The following ADARB2 variants were observed in gnomAD, a reference collection of about 807,000 sequenced individuals.
ADARB2 encodes adenosine deaminase RNA specific B2 (inactive), also known as inactive double-stranded RNA-specific editase B2.
Under a neutral mutation model 62.2 loss-of-function variants are expected in ADARB2, and 25 were observed. That is an observed-to-expected ratio of 0.40 (90% confidence interval 0.29 to 0.56). ADARB2 has a LOEUF of 0.56. ADARB2 is among the 20% of genes least tolerant of loss of function. The pLI is 0.43. For synonymous variants in ADARB2, 572 were observed against 500.8 expected (o/e 1.14, Z -1.90); for missense variants, 1,071 against 1,077.4 (o/e 0.99, Z 0.08).
Position 1,737,266 on chromosome 10 carries a change from G to T in ADARB2, c.-116C>A. The T allele has an allele frequency of 9.4e-7, 1 of 1,062,396 alleles. No individual in the cohort carries two copies. Among genetic ancestry groups the T allele is most frequent in the Non-Finnish European group, 1.4e-6 (1 of 715,614 alleles). 65.8% of individuals were successfully genotyped at this position (1,062,396 alleles called of 1,614,324 possible). The stretch of plus-strand genomic sequence containing the variant: ...AGCTTGAGGTTGCAAACCCGGGAGC[G>T]GCTCACTTTTCAGGACTGAGCAGGA... On this transcript the variant is annotated 5_prime_UTR_variant, in exon 1 of 10. Transcript: ENST00000381312.
intron 1 of ADARB2, among the ~76,000 whole-genome samples, chr10:1,624,053 C>A (rs949943938): frequency 6.6e-6 from 1 of 151,868 alleles, no homozygotes; most frequent in Non-Finnish European, 1.5e-5. Flanking sequence ...GGCAACATGG[C>A]AAAACCCCAT....
At chr10:1,658,759 G>T (rs556837639) in intron 1 of ADARB2, among the ~76,000 whole-genome samples, 1 of 152,254 alleles carries the variant, frequency 6.6e-6, no homozygotes. Flanking sequence ...AGACTTTGAA[G>T]CAAGAGCCTC....
At chr10:1,712,049 A>G (rs1310648932) in intron 1 of ADARB2, among the ~76,000 whole-genome samples, 3 of 152,256 alleles carry the variant, frequency 2.0e-5, no homozygotes, top group Non-Finnish European at 1.5e-5. Flanking sequence ...TAGTTACTCA[A>G]AATACACCCA....
chr10:1,623,139 G>A (rs1401582169), intron 1 of ADARB2, among the ~76,000 whole-genome samples: 1 of 152,158 alleles, frequency 6.6e-6, no homozygotes, highest in African/African-American at 2.4e-5. Flanking sequence ...TAGAGATGGG[G>A]CATCCATTAG....
chr10:1,602,744 AACAC>A (rs765367241), intron 1 of ADARB2, among the ~76,000 whole-genome samples: 4 of 147,420 alleles, frequency 2.7e-5, no homozygotes, highest in African/African-American at 1.0e-4. Flanking sequence ...ACAGACACAC[AACAC>A]ACACACACCT....
At chr10:1,676,994 C>T (rs952159207) in intron 1 of ADARB2, among the ~76,000 whole-genome samples, 28 of 152,194 alleles carry the variant, frequency 1.8e-4, no homozygotes, top group African/African-American at 6.8e-4. Flanking sequence ...CCCCCCTGAC[C>T]TGCCTGTTCT....
chr10:1,300,924 T>G (rs983215362), intron 3 of ADARB2, among the ~76,000 whole-genome samples: 9 of 152,246 alleles, frequency 5.9e-5, no homozygotes, highest in Non-Finnish European at 2.9e-5. Flanking sequence ...AAGATGCTGC[T>G]GTGATTGTCA....
chr10:1,357,426 T>C (rs2067698496), intron 3 of ADARB2, among the ~76,000 whole-genome samples: 1 of 152,134 alleles, frequency 6.6e-6, no homozygotes, highest in Non-Finnish European at 1.5e-5. Flanking sequence ...CTCCTGTCCC[T>C]GGCACCACAA....
chr10:1,305,976 C>T (rs1464087823), intron 3 of ADARB2, among the ~76,000 whole-genome samples: 1 of 152,110 alleles, frequency 6.6e-6, no homozygotes, highest in Non-Finnish European at 1.5e-5. Flanking sequence ...GGAAGCATTC[C>T]CTTTGAAAAC....
At position 1,354,054 on chromosome 10, in the gene ADARB2, G is replaced by A. The variant is rs548590457; in HGVS notation, c.1077+8974C>T. 7.9e-5 allele frequency among the ~76,000 whole-genome samples: 12 copies of A among 152,114 alleles called. No individual in the cohort carries two copies. In the East Asian group the frequency reaches 1.5e-3, roughly 20 times the overall value. On this transcript the variant is annotated intron_variant, in intron 3 of 9. Coordinates refer to ENST00000381312, the MANE Select transcript of ADARB2 (RefSeq NM_018702.4). ...CCCCTTACCACAAAATCATCCTTCA[G>A]CTTAATCTCTCCCACTCTAGGTTTC...
At chr10:1,229,786 ATG>A (rs1447700383) in intron 6 of ADARB2, among the ~76,000 whole-genome samples, 32 of 32,110 alleles carry the variant, frequency 1.0e-3, no homozygotes, top group African/African-American at 3.1e-3. Context: ...TTCTGTGTAC[ATG>A]TGTTTATGTG....
chr10:1,643,750 CT>C (rs543838840), intron 1 of ADARB2, among the ~76,000 whole-genome samples: 1 of 151,966 alleles, frequency 6.6e-6, no homozygotes, highest in Non-Finnish European at 1.5e-5. Context: ...AAGTTTTTTT[CT>C]TTTTTTTCTG....
chr10:1,653,645 C>A (rs2119076840), intron 1 of ADARB2, among the ~76,000 whole-genome samples: 1 of 143,614 alleles, frequency 7.0e-6, no homozygotes, highest in Middle Eastern at 3.7e-3. Flanking sequence ...GTCCACCCAA[C>A]ACCTTCTGTG....
chr10:1,554,614 G>A (rs756503268), intron 1 of ADARB2, among the ~76,000 whole-genome samples: 10 of 152,026 alleles, frequency 6.6e-5, no homozygotes, highest in Non-Finnish European at 1.3e-4. Context: ...AGCCCCCAAC[G>A]GTACTTCAGT....
intron 1 of ADARB2, among the ~76,000 whole-genome samples, chr10:1,544,836 G>A (rs1306628010): frequency 6.6e-6 from 1 of 152,058 alleles, no homozygotes; most frequent in Non-Finnish European, 1.5e-5. Context: ...TAAAGAGTAT[G>A]TAATATGTCA....
At chr10:1,302,838 TAACA>T (rs1308521675) in intron 3 of ADARB2, among the ~76,000 whole-genome samples, 3 of 152,042 alleles carry the variant, frequency 2.0e-5, no homozygotes, top group African/African-American at 7.3e-5. Context: ...GAAGGAAAAC[TAACA>T]AACAGAAAGG....
At chr10:1,302,808 G>T (rs1184253882) in intron 3 of ADARB2, among the ~76,000 whole-genome samples, 1 of 152,186 alleles carries the variant, frequency 6.6e-6, no homozygotes, top group Admixed American at 6.5e-5. Context: ...CAGACCTGCA[G>T]CTGAGGGTCC....
intron 3 of ADARB2, among the ~76,000 whole-genome samples, chr10:1,358,540 A>C (rs1318320537): frequency 1.3e-5 from 2 of 152,134 alleles, no homozygotes; most frequent in African/African-American, 4.8e-5. Context: ...CCCAGGTGCC[A>C]CCGCTCCCAG....
At chr10:1,209,072 C>T (rs930699699) in intron 7 of ADARB2, among the ~76,000 whole-genome samples, 3 of 152,090 alleles carry the variant, frequency 2.0e-5, no homozygotes, top group East Asian at 3.9e-4. Context: ...CTGCCAATAC[C>T]CCCAGATCCT....
Sources: gnomAD v4.1 joint callset for allele counts (sites outside exome capture counted in the v4.1 genomes callset) on GRCh38, gnomAD v4.1.1 for gene constraint, MANE v1.5 for transcripts, NCBI Gene and HGNC (gene_info 2026-07-23, HGNC 2026-07-21) for gene names.